The following TFDP2 variants were observed in gnomAD, a reference collection of about 807,000 sequenced individuals.
TFDP2 encodes the protein transcription factor Dp-2 (E2F dimerization partner 2).
A neutral mutation model predicts 59.3 loss-of-function variants in TFDP2; 17 were observed. The ratio of observed to expected loss-of-function variants is 0.29; its 90% CI spans 0.20 to 0.43. TFDP2 has a LOEUF of 0.43. Among genes scored for constraint, TFDP2 ranks in the 20% least tolerant of loss-of-function variants. The probability of loss-of-function intolerance (pLI) is 1.00; values close to 1 mark genes in which losing one functional copy is unlikely to be tolerated. For missense variants in TFDP2, 391 were observed against 528.8 expected (o/e 0.74, Z 2.56); for synonymous variants, 180 against 194.7 (o/e 0.92, Z 0.63).
chr3:142,005,748 A>G (rs976607421), intron 3 of TFDP2, among the ~76,000 whole-genome samples: 2 of 152,192 alleles, frequency 1.3e-5, no homozygotes, highest in African/African-American at 4.8e-5. Flanking sequence ...TTGCTGCATA[A>G]CTAATCTTAT....
chr3:142,046,932 T>C (rs184999944), intron 3 of TFDP2, among the ~76,000 whole-genome samples: 142 of 152,308 alleles, frequency 9.3e-4, no homozygotes, highest in African/African-American at 3.4e-3. Context: ...TAAAATAATC[T>C]AGCACACATT....
chr3:142,045,017 A>T (rs1169589756), intron 3 of TFDP2, among the ~76,000 whole-genome samples: 1 of 152,134 alleles, frequency 6.6e-6, no homozygotes, highest in Admixed American at 6.5e-5. Flanking sequence ...CATATTTTTC[A>T]GATTCATTAA....
chr3:142,138,345 AAG>A (rs1293743983), intron 1 of TFDP2, among the ~76,000 whole-genome samples: 1 of 152,080 alleles, frequency 6.6e-6, no homozygotes, highest in Non-Finnish European at 1.5e-5. Context: ...TGATTTTTTG[AAG>A]AGTTTTTTGT....
intron 11 of TFDP2, among the ~76,000 whole-genome samples, chr3:141,953,309 C>T (rs1936147407): frequency 6.6e-6 from 1 of 152,162 alleles, no homozygotes; most frequent in African/African-American, 2.4e-5. Flanking sequence ...ATAAGCCCTC[C>T]AGAGCACAGC....
intron 3 of TFDP2, among the ~76,000 whole-genome samples, chr3:142,007,198 C>A (rs896585212): frequency 6.6e-6 from 1 of 152,186 alleles, no homozygotes; most frequent in South Asian, 2.1e-4. Context: ...AGTTTTTCTG[C>A]CCATTTGGCA....
chr3:142,087,608 C>T (rs1030170816), intron 3 of TFDP2, among the ~76,000 whole-genome samples: 1 of 151,938 alleles, frequency 6.6e-6, no homozygotes, highest in Non-Finnish European at 1.5e-5. Flanking sequence ...TCAAGTGATC[C>T]TCCTGCCTCA....
chr3:142,088,888 C>T (rs1191021156), intron 3 of TFDP2, among the ~76,000 whole-genome samples: 2 of 151,666 alleles, frequency 1.3e-5, no homozygotes, highest in African/African-American at 2.4e-5. Context: ...AGTGCAATGA[C>T]GTGATCTTGG....
At chr3:141,952,759 G>T in intron 12 of TFDP2, 63 bp from the exon 13 acceptor site, 1 of 1,596,656 alleles carries the variant, frequency 6.3e-7, no homozygotes, top group Non-Finnish European at 8.5e-7. Context: ...GTAAAACATA[G>T]GAATAAAAAC....
At position 141,945,784 on chromosome 3, in the gene TFDP2, CACG is replaced by C. The variant is rs1304340788; in HGVS notation, c.*6726_*6728del. ...AAGTGACAAATGGCATGCATTGAAGCACGACAAGGGATGAGTTTTTAAATCCAA... is the reference window on the plus strand; with the variant it reads ...AAGTGACAAATGGCATGCATTGAAGCACAAGGGATGAGTTTTTAAATCCAA... On this transcript the variant is annotated 3_prime_UTR_variant, in exon 13 of 13. Coordinates refer to ENST00000489671, the MANE Select transcript of TFDP2 (RefSeq NM_001178139.2). 4 of 152,216 alleles carry C rather than the reference CACG, an allele frequency of 2.6e-5. No individual in the cohort carries two copies. The highest frequency in any genetic ancestry group is 6.5e-5 in the Admixed American group (1 of 15,274). 9.4% of individuals were successfully genotyped at this position (152,216 alleles called of 1,614,324 possible).
chr3:142,134,088 A>T lies in TFDP2; in HGVS notation c.-93+15095T>A, dbSNP rs191718731. On this transcript the variant is annotated intron_variant, in intron 1 of 12. Coordinates refer to ENST00000489671, the MANE Select transcript of TFDP2 (RefSeq NM_001178139.2). Reference sequence around the variant, plus strand: ...AAAAGGAGGAAGCATTATGAAGGCAACAGCAACTCCCTCTAAGTACAGTGG... The same window carrying T: ...AAAAGGAGGAAGCATTATGAAGGCATCAGCAACTCCCTCTAAGTACAGTGG... Among the ~76,000 whole-genome samples the T allele has an allele frequency of 4.0e-5, 6 of 151,872 alleles. No homozygotes were observed. The East Asian group carries it at 7.7e-4, about 20-fold the overall frequency.
intron 2 of TFDP2, among the ~76,000 whole-genome samples, chr3:142,099,714 A>G (rs2061266498): frequency 6.6e-6 from 1 of 150,826 alleles, no homozygotes; most frequent in African/African-American, 2.4e-5. Flanking sequence ...AAAAAAAAAA[A>G]GAAATGACCC....
chr3:142,020,228 C>T (rs1249243394), intron 3 of TFDP2, among the ~76,000 whole-genome samples: 1 of 151,998 alleles, frequency 6.6e-6, no homozygotes, highest in Non-Finnish European at 1.5e-5. Flanking sequence ...GGATATCTAT[C>T]ACCTGTATTT....
intron 3 of TFDP2, among the ~76,000 whole-genome samples, chr3:142,047,279 C>G (rs1341612674): frequency 6.6e-6 from 1 of 152,114 alleles, no homozygotes; most frequent in Non-Finnish European, 1.5e-5. Flanking sequence ...ATGCCTACTC[C>G]CCTCCTTTGA....
intron 9 of TFDP2, among the ~76,000 whole-genome samples, chr3:141,969,162 T>C: frequency 1.1e-5 from 1 of 92,520 alleles, no homozygotes; most frequent in African/African-American, 5.3e-5. Context: ...GATATATATA[T>C]AACATATATA....
intron 6 of TFDP2, among the ~76,000 whole-genome samples, chr3:141,980,791 C>T (rs1288946438): frequency 6.6e-6 from 1 of 152,148 alleles, no homozygotes; most frequent in Non-Finnish European, 1.5e-5. Flanking sequence ...CCGCCTTGGC[C>T]TCCCAAAGTG....
Position 142,121,344 on chromosome 3 carries a change from T to C in TFDP2, c.-92-19503A>G, listed in dbSNP as rs550264253. ...ATGAGCAAGACAAATGCATACAGTA[T>C]AACATGCTAAAATACTACGACACTA... On this transcript the variant is annotated intron_variant, in intron 1 of 12. Coordinates refer to ENST00000489671, the MANE Select transcript of TFDP2 (RefSeq NM_001178139.2). This position sits in a 1 kb window ranked among gnomAD's most constrained non-coding sequence, Gnocchi z 4.3. 1.3e-5 allele frequency among the ~76,000 whole-genome samples: 2 copies of C among 152,192 alleles called. No individual in the cohort carries two copies. Among genetic ancestry groups the C allele is most frequent in the East Asian group, 3.9e-4 (2 of 5,180 alleles).
intron 6 of TFDP2, among the ~76,000 whole-genome samples, chr3:141,980,801 G>A (rs528828321): frequency 3.3e-5 from 5 of 152,262 alleles, no homozygotes; most frequent in African/African-American, 1.2e-4. Flanking sequence ...CTCCCAAAGT[G>A]CTGGGATTAC....
At chr3:141,978,006 G>C (rs575830711) in intron 7 of TFDP2, among the ~76,000 whole-genome samples, 3 of 150,628 alleles carry the variant, frequency 2.0e-5, no homozygotes, top group Non-Finnish European at 4.4e-5. Context: ...CACCGCGCCT[G>C]GCCAAATATT....
At chr3:141,987,321 C>A (rs1942209488) in intron 6 of TFDP2, among the ~76,000 whole-genome samples, 1 of 146,342 alleles carries the variant, frequency 6.8e-6, no homozygotes, top group Non-Finnish European at 1.5e-5. Context: ...CTCACTCTGT[C>A]ACCCAGGCTG....
Sources: gnomAD v4.1 joint callset for allele counts (sites outside exome capture counted in the v4.1 genomes callset) on GRCh38, gnomAD v4.1.1 for gene constraint, Gnocchi (gnomAD v3.1) non-coding constraint, MANE v1.5 for transcripts, NCBI Gene and HGNC (gene_info 2026-07-23, HGNC 2026-07-21) for gene names.